The following PEX7 variants were observed in gnomAD, a reference collection of about 807,000 sequenced individuals.
The protein encoded by PEX7 is peroxisomal biogenesis factor 7.
A neutral mutation model predicts 47.5 loss-of-function variants in PEX7; 34 were observed. That is an observed-to-expected ratio of 0.72 (90% CI 0.54 to 0.95). PEX7 has a LOEUF of 0.95. PEX7 is among the 40% of genes least tolerant of loss of function. The pLI, the probability that PEX7 is intolerant of heterozygous loss-of-function variation, is 0.00. For missense variants in PEX7, 394 were observed against 400.3 expected, an observed-to-expected ratio of 0.98 and a Z score of 0.13; for synonymous variants, 141 against 148.8, an observed-to-expected ratio of 0.95 and a Z score of 0.38.
At chr6:136,899,719 A>C (rs1474434911) in intron 9 of PEX7, among the ~76,000 whole-genome samples, 1 of 152,202 alleles carries the variant, frequency 6.6e-6, no homozygotes, top group African/African-American at 2.4e-5. Flanking sequence ...TCTGAGTTTA[A>C]ACGATTCTCA....
In PEX7 at chr6:136,860,014, GAA is replaced by G. The variant is rs952687812; in HGVS notation, c.527-6601_527-6600del. ...GGTGACAGAGTTAGACTCTGTCTCA[GAA>G]AAAAAAAAAAAGAAAAAAAAATTCA... On this transcript the variant is annotated intron_variant, in intron 5 of 9. Transcript: ENST00000318471. Among the ~76,000 whole-genome samples the G allele has an allele frequency of 2.6e-4, 34 of 129,810 alleles. 1 individual carries two copies. The highest frequency in any genetic ancestry group is 2.6e-3 in the Admixed American group (32 of 12,538). 85.2% of individuals were successfully genotyped at this position (129,810 alleles called of 152,430 possible).
At chr6:136,890,387 G>T (rs773153858) in intron 8 of PEX7, among the ~76,000 whole-genome samples, 1 of 152,186 alleles carries the variant, frequency 6.6e-6, no homozygotes, top group Non-Finnish European at 1.5e-5. Context: ...GTGCAGTGTG[G>T]CCTATGGAAG....
chr6:136,845,545 T>C (rs1032264188), intron 3 of PEX7, 70 bp from the exon 4 acceptor site: 24 of 877,958 alleles, frequency 2.7e-5, no homozygotes, highest in Admixed American at 2.6e-4. Flanking sequence ...CATTGTTATG[T>C]AACAAGAGAT....
rs146572056 is a variant in PEX7 at position 136,913,339 on chromosome 6, C to G, written c.904-119C>G. On this transcript the variant is annotated intron_variant, in intron 9 of 9. Coordinates refer to ENST00000318471, the MANE Select transcript of PEX7 (RefSeq NM_000288.4). ...AACGTAGCCCTATGTTTTCCCTATT[C>G]AAAAATATGTTTACTAGTGGATGAT... 494 of 748,796 alleles carry G rather than the reference C, an allele frequency of 6.6e-4. 4 individuals carry two copies. In the African/African-American group the frequency reaches 6.9e-3, roughly 10 times the overall value. 46.4% of individuals were successfully genotyped at this position (748,796 alleles called of 1,614,324 possible). A position where few individuals can be genotyped will look rare whatever the true frequency, so the allele number is the denominator to read the frequency against.
At chr6:136,899,279 G>A (rs1371426524) in intron 9 of PEX7, among the ~76,000 whole-genome samples, 2 of 150,112 alleles carry the variant, frequency 1.3e-5, no homozygotes, top group African/African-American at 4.9e-5. Flanking sequence ...TTTTTGCTCT[G>A]TTGCCCAGGC....
intron 3 of PEX7, among the ~76,000 whole-genome samples, chr6:136,839,370 G>A (rs1774452864): frequency 6.6e-6 from 1 of 152,168 alleles, no homozygotes; most frequent in South Asian, 2.1e-4. Flanking sequence ...AAAGGGCAAT[G>A]CTTTACAGTA....
intron 3 of PEX7, among the ~76,000 whole-genome samples, chr6:136,830,785 A>T (rs1774279179): frequency 6.6e-6 from 1 of 152,216 alleles, no homozygotes; most frequent in Non-Finnish European, 1.5e-5. Context: ...TAATTTTCAG[A>T]CTAATGAGTT....
At chr6:136,832,370 C>A (rs1389078817) in intron 3 of PEX7, among the ~76,000 whole-genome samples, 1 of 152,244 alleles carries the variant, frequency 6.6e-6, no homozygotes, top group African/African-American at 2.4e-5. Flanking sequence ...CCCACAAAAC[C>A]ATTTTTCCCT....
intron 9 of PEX7, among the ~76,000 whole-genome samples, chr6:136,904,732 T>C (rs969607305): frequency 1.3e-5 from 2 of 151,858 alleles, no homozygotes; most frequent in African/African-American, 4.8e-5. Flanking sequence ...CATGTGGAAC[T>C]GTAAGTCCAT....
chr6:136,860,470 G>C (rs1307985809), intron 5 of PEX7, among the ~76,000 whole-genome samples: 1 of 133,910 alleles, frequency 7.5e-6, no homozygotes, highest in Non-Finnish European at 1.5e-5. Context: ...TGAACAATGA[G>C]AACACATGGA....
chr6:136,827,857 G>T (rs768843427), intron 3 of PEX7, among the ~76,000 whole-genome samples: 68 of 151,742 alleles, frequency 4.5e-4, no homozygotes, highest in Non-Finnish European at 6.5e-4. Context: ...GTGTTTTTTT[G>T]TTGTTGTTTT....
chr6:136,860,013 A>AG (rs1480341660), intron 5 of PEX7, among the ~76,000 whole-genome samples: 2 of 151,056 alleles, frequency 1.3e-5, no homozygotes, highest in East Asian at 3.9e-4. Flanking sequence ...ACTCTGTCTC[A>AG]GAAAAAAAAA....
chr6:136,889,383 G>A (rs1203514409), intron 8 of PEX7, among the ~76,000 whole-genome samples: 5 of 152,110 alleles, frequency 3.3e-5, no homozygotes, highest in South Asian at 2.1e-4. Context: ...AGAATTATTT[G>A]TTACTAACAT....
intron 9 of PEX7, among the ~76,000 whole-genome samples, chr6:136,912,569 C>G (rs1775950262): frequency 6.6e-6 from 1 of 152,096 alleles, no homozygotes. Flanking sequence ...TGTTCTCTTC[C>G]TTTGATCTAC....
intron 8 of PEX7, among the ~76,000 whole-genome samples, chr6:136,879,586 C>T (rs1775339503): frequency 6.6e-6 from 1 of 152,068 alleles, no homozygotes; most frequent in Admixed American, 6.6e-5. Flanking sequence ...GAAAAAGAAC[C>T]CTTGTTGCAT....
At chr6:136,845,937 T>C in intron 4 of PEX7, 136 bp from the exon 5 acceptor site, 1 of 690,178 alleles carries the variant, frequency 1.4e-6, no homozygotes, top group Non-Finnish European at 2.6e-6. Context: ...AAACAGATCT[T>C]TAAAAATCCT....
intron 8 of PEX7, among the ~76,000 whole-genome samples, chr6:136,874,147 C>T (rs1775227561): frequency 6.6e-6 from 1 of 152,114 alleles, no homozygotes; most frequent in Admixed American, 6.6e-5. Context: ...AGAAATTTTC[C>T]TTTGTTTCCA....
chr6:136,892,745 A>G (rs1000715303), intron 8 of PEX7, among the ~76,000 whole-genome samples: 3 of 152,244 alleles, frequency 2.0e-5, no homozygotes, highest in African/African-American at 4.8e-5. Context: ...AAATAAATGC[A>G]TGGAAATATT....
At chr6:136,894,558 C>A (rs1775613221) in intron 8 of PEX7, among the ~76,000 whole-genome samples, 1 of 152,128 alleles carries the variant, frequency 6.6e-6, no homozygotes, top group African/African-American at 2.4e-5. Flanking sequence ...CCACTGCACT[C>A]CAGCCTGGGC....
Sources: allele counts gnomAD v4.1 joint callset (sites outside exome capture counted in the v4.1 genomes callset), GRCh38; gene constraint gnomAD v4.1.1; transcripts MANE v1.5; gene names NCBI Gene and HGNC (gene_info 2026-07-23, HGNC 2026-07-21).